SNTG1: variants seen among roughly 807,000 people sequenced by gnomAD.
SNTG1 encodes the protein syntrophin gamma 1, also known as gamma-1-syntrophin.
SNTG1 carries 39 observed loss-of-function variants against 74.7 expected under a neutral mutation model. That is an observed-to-expected ratio of 0.52 (90% CI 0.40 to 0.68). The LOEUF is 0.68. Ranked by LOEUF, SNTG1 falls within the 30% of genes least tolerant of loss-of-function variation. SNTG1 has a pLI of 0.00. For missense variants in SNTG1, 685 were observed against 609.5 expected (o/e 1.12, Z -1.30); for synonymous variants, 254 against 217.1 (o/e 1.17, Z -1.49).
intron 2 of SNTG1, among the ~76,000 whole-genome samples, chr8:50,213,385 A>G (rs2084617041): frequency 6.6e-6 from 1 of 152,216 alleles, no homozygotes; most frequent in Non-Finnish European, 1.5e-5. Context: ...CTTAAAAAGT[A>G]TGTAGGCTAT....
chr8:50,570,243 TTTA>T (rs1191609475), intron 12 of SNTG1, among the ~76,000 whole-genome samples: 1 of 33,902 alleles, frequency 2.9e-5, no homozygotes. Flanking sequence ...TTTATTTTAT[TTTA>T]TTTTATTTTA....
intron 17 of SNTG1, among the ~76,000 whole-genome samples, chr8:50,718,382 G>T (rs1165776576): frequency 6.6e-6 from 1 of 152,200 alleles, no homozygotes; most frequent in Non-Finnish European, 1.5e-5. Context: ...GCCCAAGTTT[G>T]CCATGTAACG....
intron 2 of SNTG1, among the ~76,000 whole-genome samples, chr8:50,307,096 A>G (rs1422762568): frequency 6.6e-6 from 1 of 152,040 alleles, no homozygotes; most frequent in African/African-American, 2.4e-5. Flanking sequence ...TTGACTGAAT[A>G]TACCATGATT....
chr8:50,569,389 G>T (rs969679322), intron 12 of SNTG1, among the ~76,000 whole-genome samples: 1 of 149,918 alleles, frequency 6.7e-6, no homozygotes, highest in Admixed American at 6.6e-5. Context: ...ACACACTTAC[G>T]TGCAGAAGTG....
chr8:50,316,010 G>A (rs936301115), intron 2 of SNTG1, among the ~76,000 whole-genome samples: 1 of 152,090 alleles, frequency 6.6e-6, no homozygotes, highest in African/African-American at 2.4e-5. Flanking sequence ...TCACATTTCA[G>A]TTGCTTTTCA....
At chr8:50,423,521 C>G (rs2093123052) in intron 4 of SNTG1, among the ~76,000 whole-genome samples, 2 of 152,162 alleles carry the variant, frequency 1.3e-5, no homozygotes, top group African/African-American at 4.8e-5. Flanking sequence ...AAGTTAACTT[C>G]TTTATCTTTT....
At chr8:50,013,442 T>A (rs571724797) in intron 1 of SNTG1, among the ~76,000 whole-genome samples, 1 of 151,860 alleles carries the variant, frequency 6.6e-6, no homozygotes, top group Non-Finnish European at 1.5e-5. Flanking sequence ...ATTAAATCTA[T>A]AACCTCCAGA....
At chr8:49,983,001 A>G (rs549545989) in intron 1 of SNTG1, among the ~76,000 whole-genome samples, 2 of 152,328 alleles carry the variant, frequency 1.3e-5, no homozygotes, top group East Asian at 3.9e-4. Context: ...CAAAGGCTAC[A>G]GTGCTTGTCT....
chr8:50,087,750 G>C (rs1823031931), intron 1 of SNTG1, among the ~76,000 whole-genome samples: 2 of 151,950 alleles, frequency 1.3e-5, no homozygotes, highest in Non-Finnish European at 2.9e-5. Context: ...ACTTTTAAAA[G>C]TATTTAGAAT....
intron 2 of SNTG1, among the ~76,000 whole-genome samples, chr8:50,326,129 A>G (rs896162078): frequency 2.0e-5 from 3 of 151,928 alleles, no homozygotes; most frequent in African/African-American, 7.2e-5. Flanking sequence ...ATTTGCTGTC[A>G]TTTTGTTCAC....
At chr8:50,154,052 C>A (rs920456877) in intron 1 of SNTG1, among the ~76,000 whole-genome samples, 7 of 152,156 alleles carry the variant, frequency 4.6e-5, no homozygotes, top group African/African-American at 1.4e-4. Context: ...GGGCTCCACC[C>A]AGTTTGAGCT....
chr8:50,430,998 C>A (rs749580119), intron 4 of SNTG1, among the ~76,000 whole-genome samples: 10 of 152,154 alleles, frequency 6.6e-5, no homozygotes, highest in Non-Finnish European at 1.0e-4. Context: ...TAGCCTTTGT[C>A]TTACAGATGC....
At chr8:50,105,034 T>C (rs1282291335) in intron 1 of SNTG1, among the ~76,000 whole-genome samples, 2 of 152,166 alleles carry the variant, frequency 1.3e-5, no homozygotes, top group African/African-American at 2.4e-5. Context: ...CAGAAGCCTT[T>C]TAATTTAATT....
intron 2 of SNTG1, among the ~76,000 whole-genome samples, chr8:50,175,021 G>A (rs1232771513): frequency 6.6e-6 from 1 of 151,872 alleles, no homozygotes; most frequent in Non-Finnish European, 1.5e-5. Flanking sequence ...CTTCATCCAT[G>A]TCCCTACAAA....
intron 2 of SNTG1, among the ~76,000 whole-genome samples, chr8:50,243,334 C>A (rs2086248208): frequency 6.6e-6 from 1 of 152,120 alleles, no homozygotes; most frequent in Non-Finnish European, 1.5e-5. Context: ...TGTAGGTTTT[C>A]TGAATTTATA....
At chr8:50,515,707 T>A (rs558114820) in intron 9 of SNTG1, among the ~76,000 whole-genome samples, 1 of 152,134 alleles carries the variant, frequency 6.6e-6, no homozygotes, top group African/African-American at 2.4e-5. Context: ...CAGGGTAGAG[T>A]GCACCACAAC....
intron 1 of SNTG1, among the ~76,000 whole-genome samples, chr8:49,930,943 A>T (rs384406): frequency 0.86 from 130,152 of 152,164 alleles, 55,855 homozygotes; most frequent in East Asian, 1. Flanking sequence ...TAAAATAGAC[A>T]CCTTTTAATG....
chr8:50,089,850 G>A lies in SNTG1; in HGVS notation c.-102-82711G>A, dbSNP rs530341491. On this transcript the variant is annotated intron_variant, in intron 1 of 18. Transcript: ENST00000642720. ...CAACCATTGTGGAAGTCAGTGTGGC[G>A]ATTCCTCAGGGATCTAGAACTAGAA... Among the ~76,000 whole-genome samples the A allele has an allele frequency of 9.0e-3, 1,366 of 152,208 alleles. 6 individuals are homozygous for A. Among genetic ancestry groups the A allele is most frequent in the South Asian group, 0.017 (84 of 4,820 alleles).
intron 2 of SNTG1, among the ~76,000 whole-genome samples, chr8:50,221,473 C>T (rs1028895324): frequency 6.0e-5 from 9 of 150,412 alleles, no homozygotes; most frequent in Admixed American, 4.0e-4. Context: ...GATGATAATG[C>T]AAGGACTTTT....
Sources: gnomAD v4.1 joint callset for allele counts (sites outside exome capture counted in the v4.1 genomes callset) on GRCh38, gnomAD v4.1.1 for gene constraint, MANE v1.5 for transcripts, NCBI Gene and HGNC (gene_info 2026-07-23, HGNC 2026-07-21) for gene names.